NUDT9: variants seen among roughly 807,000 people sequenced by gnomAD.
NUDT9 encodes ADP-ribose pyrophosphatase.
Under a neutral mutation model 41.0 loss-of-function variants are expected in NUDT9, and 31 were observed. That is an observed-to-expected ratio of 0.76 (90% CI 0.57 to 1.02). The LOEUF (loss-of-function observed/expected upper bound fraction) is 1.02, where lower values mean the gene tolerates loss of function less well. Ranked by LOEUF, NUDT9 falls within the 50% of genes least tolerant of loss-of-function variation. The pLI is 0.00. For missense variants in NUDT9, 380 were observed against 431.4 expected (o/e 0.88, Z 1.06); for synonymous variants, 146 against 147.6 (o/e 0.99, Z 0.08).
chr4:87,441,769 C>T, intron 3 of NUDT9, 60 bp from the exon 4 acceptor site: 1 of 1,344,378 alleles, frequency 7.4e-7, no homozygotes, highest in Non-Finnish European at 1.1e-6. Flanking sequence ...TGGGTTATAT[C>T]AAATCAGGTT....
chr4:87,447,179 G>C (rs1031459162), intron 4 of NUDT9, among the ~76,000 whole-genome samples: 2 of 152,100 alleles, frequency 1.3e-5, no homozygotes, highest in Non-Finnish European at 2.9e-5. Flanking sequence ...TTTATTTTAT[G>C]ACTTTGTTTC....
rs1304893654 is a variant in NUDT9 at position 87,457,785 on chromosome 4, T to C, written c.875-58T>C. 1.8e-5 allele frequency: 26 copies of C among 1,463,334 alleles called. No homozygotes were observed. In the Admixed American group the frequency reaches 3.1e-4, roughly 17 times the overall value. 90.6% of individuals were successfully genotyped at this position (1,463,334 alleles called of 1,614,324 possible). A position where few individuals can be genotyped will look rare whatever the true frequency, so the allele number is the denominator to read the frequency against. On this transcript the variant is annotated intron_variant, in intron 7 of 7. Coordinates refer to ENST00000302174, the MANE Select transcript of NUDT9 (RefSeq NM_024047.5). ...TTTTAAATAAGAATACTTGACGACA[T>C]AGATATGCTAAAACAGAAATGAGTT...
At chr4:87,445,237 G>A (rs1252227576) in intron 4 of NUDT9, 1 of 151,966 alleles carries the variant, frequency 6.6e-6, no homozygotes, top group African/African-American at 2.4e-5. Flanking sequence ...ATCTGAATCA[G>A]GGGTAAGTGG....
chr4:87,440,068 C>A (rs1201575879), intron 3 of NUDT9, among the ~76,000 whole-genome samples: 1 of 152,098 alleles, frequency 6.6e-6, no homozygotes, highest in East Asian at 1.9e-4. Flanking sequence ...CTTTTTAAGT[C>A]AAATTCTCCT....
chr4:87,453,420 G>C (rs1410310356), intron 6 of NUDT9, among the ~76,000 whole-genome samples: 1 of 151,906 alleles, frequency 6.6e-6, no homozygotes, highest in Non-Finnish European at 1.5e-5. Context: ...TTGAAGTGTT[G>C]AGGGTTTCAT....
chr4:87,447,709 G>A (rs886317046), intron 4 of NUDT9, among the ~76,000 whole-genome samples: 9 of 152,154 alleles, frequency 5.9e-5, no homozygotes, highest in African/African-American at 9.7e-5. Context: ...TAAAAGGATA[G>A]AGTTTTTTTT....
At chr4:87,446,760 G>C (rs1035004237) in intron 4 of NUDT9, among the ~76,000 whole-genome samples, 1 of 151,920 alleles carries the variant, frequency 6.6e-6, no homozygotes, top group Non-Finnish European at 1.5e-5. Flanking sequence ...GTTGTTTTGA[G>C]GCTTAAATGG....
intron 1 of NUDT9, among the ~76,000 whole-genome samples, chr4:87,429,240 C>G (rs953511204): frequency 6.6e-6 from 1 of 152,044 alleles, no homozygotes; most frequent in Admixed American, 6.6e-5. Flanking sequence ...CAGCCTTGAC[C>G]TCCTGGACTC....
At chr4:87,455,873 G>A (rs1392096085) in intron 7 of NUDT9, among the ~76,000 whole-genome samples, 1 of 151,964 alleles carries the variant, frequency 6.6e-6, no homozygotes, top group African/African-American at 2.4e-5. Context: ...TGTTGGCCAG[G>A]CTGGTCTCAA....
intron 6 of NUDT9, among the ~76,000 whole-genome samples, chr4:87,452,636 A>G (rs1207889000): frequency 6.7e-6 from 1 of 150,062 alleles, no homozygotes. Flanking sequence ...TTTTTGTTTT[A>G]TAGAGATGGG....
chr4:87,452,777 T>C (rs1016109896), intron 6 of NUDT9, among the ~76,000 whole-genome samples: 1 of 150,998 alleles, frequency 6.6e-6, no homozygotes, highest in African/African-American at 2.4e-5. Context: ...CCTTACAAGG[T>C]ATATGCACAC....
At chr4:87,453,670 C>G (rs1274027900) in intron 6 of NUDT9, among the ~76,000 whole-genome samples, 1 of 151,852 alleles carries the variant, frequency 6.6e-6, no homozygotes, top group Non-Finnish European at 1.5e-5. Context: ...CCTCATGATC[C>G]GCCCACCTCC....
chr4:87,422,744 A>T lies in NUDT9; in HGVS notation c.-162A>T. On this transcript the variant is annotated 5_prime_UTR_variant, in exon 1 of 8. Coordinates refer to ENST00000302174, the MANE Select transcript of NUDT9 (RefSeq NM_024047.5). ...ATCGTGGGAGGGCTCTTGATCTGTG[A>T]TTTATAGATAGGCACAGCTACTCCC... The T allele has an allele frequency of 1.8e-6, 1 of 549,906 alleles. No individual in the cohort carries two copies. The highest frequency in any genetic ancestry group is 3.2e-6 in the Non-Finnish European group (1 of 310,796). 34.1% of individuals were successfully genotyped at this position (549,906 alleles called of 1,614,324 possible).
chr4:87,458,104 A>T lies in NUDT9; in HGVS notation c.*83A>T. On this transcript the variant is annotated 3_prime_UTR_variant, in exon 8 of 8. Coordinates refer to ENST00000302174, the MANE Select transcript of NUDT9 (RefSeq NM_024047.5). ...AGTATCACAGAATTTATACTATAAA[A>T]AGGGCAGGGTAGGCCACTTGGCCTA... 7.5e-7 allele frequency: 1 copy of T among 1,340,930 alleles called. No homozygotes were observed. The highest frequency in any genetic ancestry group is 9.8e-7 in the Non-Finnish European group (1 of 1,021,810). The allele number at this position is 1,340,930 out of a possible 1,614,324, so 83.1% of individuals were successfully genotyped here. A position where few individuals can be genotyped will look rare whatever the true frequency, so the allele number is the denominator to read the frequency against.
chr4:87,456,556 A>G (rs1356963089), intron 7 of NUDT9, among the ~76,000 whole-genome samples: 1 of 152,124 alleles, frequency 6.6e-6, no homozygotes, highest in Non-Finnish European at 1.5e-5. Flanking sequence ...AGCTCACTAA[A>G]ATGTAGGCCC....
At chr4:87,425,361 C>G (rs1177227877) in intron 1 of NUDT9, among the ~76,000 whole-genome samples, 1 of 150,070 alleles carries the variant, frequency 6.7e-6, no homozygotes, top group East Asian at 2.0e-4. Flanking sequence ...CTGAGTGGCA[C>G]AGCAAGACCG....
chr4:87,446,670 C>T (rs1276230776), intron 4 of NUDT9, among the ~76,000 whole-genome samples: 3 of 152,082 alleles, frequency 2.0e-5, no homozygotes, highest in African/African-American at 7.2e-5. Context: ...ACACTGTAGT[C>T]TTGGGGAAGT....
At chr4:87,436,070 T>C (rs117275670) in intron 2 of NUDT9, among the ~76,000 whole-genome samples, 1 of 152,284 alleles carries the variant, frequency 6.6e-6, no homozygotes, top group East Asian at 1.9e-4. Flanking sequence ...CACAGCTTGC[T>C]CCAACCTTGA....
Position 87,441,892 on chromosome 4 carries a change from C to T in NUDT9, c.507C>T (p.His169=), listed in dbSNP as rs115143660. 7.0e-5 allele frequency: 113 copies of T among 1,611,354 alleles called. No individual in the cohort carries two copies. The East Asian group carries it at 1.7e-3, about 24-fold the overall frequency. ...RGLLGRWGPN[H]AADPIITRWK... ...TTTTGGGGCGATGGGGCCCAAATCA[C>T]GCTGCAGATCCCATTATAACCAGGT... Residue 169 remains histidine (H), a synonymous_variant, in exon 4 of 8, where the codon CAC becomes CAT. Coordinates refer to ENST00000302174, the MANE Select transcript of NUDT9 (RefSeq NM_024047.5).
Sources: allele counts gnomAD v4.1 joint callset (sites outside exome capture counted in the v4.1 genomes callset), GRCh38; gene constraint gnomAD v4.1.1; transcripts MANE v1.5; gene names NCBI Gene and HGNC (gene_info 2026-07-23, HGNC 2026-07-21).